ASCC3: variants seen among roughly 807,000 people sequenced by gnomAD.
The protein encoded by ASCC3 is ASC-1 complex subunit P200.
A neutral mutation model predicts 256.3 loss-of-function variants in ASCC3; 158 were observed. The ratio of observed to expected loss-of-function variants is 0.62; its 90% CI spans 0.54 to 0.70. ASCC3 has a LOEUF of 0.70. Ranked by LOEUF, ASCC3 falls within the 30% of genes least tolerant of loss-of-function variation. The pLI is 0.00. For synonymous variants in ASCC3, 948 were observed against 883.4 expected, an observed-to-expected ratio of 1.07 and a Z score of -1.30; for missense variants, 2,259 against 2,626.0, an observed-to-expected ratio of 0.86 and a Z score of 3.05.
intron 8 of ASCC3, among the ~76,000 whole-genome samples, 185 bp from the exon 9 acceptor site, chr6:100,767,530 C>T (rs530815388): frequency 6.6e-6 from 1 of 152,202 alleles, no homozygotes; most frequent in African/African-American, 2.4e-5. Flanking sequence ...TTGTACAATT[C>T]AAGTATACTT....
At chr6:100,547,775 T>C (rs1236186662) in intron 36 of ASCC3, among the ~76,000 whole-genome samples, 1 of 151,950 alleles carries the variant, frequency 6.6e-6, no homozygotes, top group East Asian at 1.9e-4. Flanking sequence ...GTGATCTAGC[T>C]ATTCCATTCC....
At position 100,759,466 on chromosome 6, in the gene ASCC3, GTTTT is replaced by G. The variant is rs1334739026; in HGVS notation, c.1737+7095_1737+7098del. Among the ~76,000 whole-genome samples, 17 of 152,280 alleles carry G rather than the reference GTTTT, an allele frequency of 1.1e-4. No homozygotes were observed. The East Asian group carries it at 2.7e-3, about 24-fold the overall frequency. ...TGAGTTTTCTGCATATGGCTAGCCA[GTTTT>G]CCCAGCACCATTTATTGAATAGGAG... On this transcript the variant is annotated intron_variant, in intron 10 of 41. Transcript: ENST00000369162.
intron 4 of ASCC3, among the ~76,000 whole-genome samples, chr6:100,821,175 C>T (rs1165518760): frequency 6.6e-6 from 1 of 152,130 alleles, no homozygotes; most frequent in Non-Finnish European, 1.5e-5. Context: ...CAAACGAACA[C>T]ACTCAGCTAA....
intron 13 of ASCC3, among the ~76,000 whole-genome samples, chr6:100,706,142 G>A (rs1180898025): frequency 3.3e-5 from 5 of 151,568 alleles, no homozygotes; most frequent in Non-Finnish European, 5.9e-5. Flanking sequence ...AGTCATCAGA[G>A]TTAGAATAAT....
At chr6:100,865,625 T>G (rs10485299) in intron 2 of ASCC3, among the ~76,000 whole-genome samples, 5,719 of 152,252 alleles carry the variant, frequency 0.038, 134 homozygotes, top group African/African-American at 0.057. Flanking sequence ...GTATCAATCT[T>G]TGAGTGAAAC....
At position 100,836,318 on chromosome 6, in the gene ASCC3, C is replaced by T. The variant is rs569018129; in HGVS notation, c.801+11830G>A. ...TAGAAGTGGCAAAAGTGGGCATCCT[C>T]ATCTTATTCCAGATCTTAAAAGTTT... On this transcript the variant is annotated intron_variant, in intron 4 of 41. Transcript: ENST00000369162. Among the ~76,000 whole-genome samples, 6 of 144,392 alleles carry T rather than the reference C, an allele frequency of 4.2e-5. No homozygotes were observed. In the East Asian group the frequency reaches 9.7e-4, roughly 23 times the overall value. The allele number at this position is 144,392 out of a possible 152,430, so 94.7% of individuals were successfully genotyped here.
At chr6:100,568,002 C>T (rs1770360431) in intron 36 of ASCC3, among the ~76,000 whole-genome samples, 1 of 152,138 alleles carries the variant, frequency 6.6e-6, no homozygotes, top group South Asian at 2.1e-4. Context: ...ATTTACATTC[C>T]CACCAACAGT....
intron 36 of ASCC3, among the ~76,000 whole-genome samples, chr6:100,553,414 T>C (rs1287878287): frequency 1.3e-5 from 2 of 152,028 alleles, no homozygotes; most frequent in African/African-American, 2.4e-5. Context: ...TTAGAGGAAA[T>C]TGAAAGTGGG....
At chr6:100,673,918 C>T (rs930352256) in intron 14 of ASCC3, among the ~76,000 whole-genome samples, 2 of 152,138 alleles carry the variant, frequency 1.3e-5, no homozygotes, top group African/African-American at 2.4e-5. Context: ...TTTCCTTTGC[C>T]TGTGTTCTCT....
chr6:100,517,948 G>C (rs769255985), intron 38 of ASCC3, 43 bp downstream of exon 38: 13 of 1,593,670 alleles, frequency 8.2e-6, no homozygotes, highest in African/African-American at 1.3e-5. Context: ...ATATTTTTTT[G>C]AAATCAAAAC....
At chr6:100,564,537 C>T (rs1770129065) in intron 36 of ASCC3, among the ~76,000 whole-genome samples, 1 of 152,048 alleles carries the variant, frequency 6.6e-6, no homozygotes, top group African/African-American at 2.4e-5. Flanking sequence ...TCTTAATAAC[C>T]AGAATTGCAG....
chr6:100,691,792 A>T (rs1221355163), intron 13 of ASCC3, among the ~76,000 whole-genome samples: 1 of 151,992 alleles, frequency 6.6e-6, no homozygotes, highest in Admixed American at 6.6e-5. Flanking sequence ...TATATAACAT[A>T]TAGACTTGTG....
At chr6:100,823,155 C>A (rs1582917418) in intron 4 of ASCC3, among the ~76,000 whole-genome samples, 1 of 152,020 alleles carries the variant, frequency 6.6e-6, no homozygotes, top group East Asian at 1.9e-4. Context: ...TAAAGAAATC[C>A]CAAAATTATG....
chr6:100,675,127 G>GT (rs1275237746), intron 14 of ASCC3, among the ~76,000 whole-genome samples: 2 of 111,152 alleles, frequency 1.8e-5, no homozygotes, highest in Non-Finnish European at 3.8e-5. Flanking sequence ...TAAGCAAACA[G>GT]TTGTTTTTTT....
chr6:100,530,822 G>T (rs1322455671), intron 37 of ASCC3: 40 of 1,223,172 alleles, frequency 3.3e-5, no homozygotes, highest in Admixed American at 6.7e-5. Context: ...TTGCCTACTG[G>T]AACTTAGTGC....
At chr6:100,687,197 T>C (rs1184347726) in intron 13 of ASCC3, among the ~76,000 whole-genome samples, 1 of 152,122 alleles carries the variant, frequency 6.6e-6, no homozygotes, top group African/African-American at 2.4e-5. Context: ...TGTATGTGAA[T>C]GTATATGTTT....
chr6:100,823,073 T>C (rs1771131574), intron 4 of ASCC3, among the ~76,000 whole-genome samples: 1 of 152,154 alleles, frequency 6.6e-6, no homozygotes, highest in South Asian at 2.1e-4. Flanking sequence ...AAAAGAGTGC[T>C]TTGCTCTTAA....
At chr6:100,755,643 C>G (rs1175003381) in intron 10 of ASCC3, among the ~76,000 whole-genome samples, 2 of 152,264 alleles carry the variant, frequency 1.3e-5, no homozygotes, top group African/African-American at 4.8e-5. Flanking sequence ...CTGCTACACA[C>G]ACACACACAA....
At position 100,512,876 on chromosome 6, in the gene ASCC3, T is replaced by C. The variant is rs35456108; in HGVS notation, c.6118A>G (p.Ile2040Val). 1.5e-3 allele frequency: 2,452 copies of C among 1,614,030 alleles called. 25 individuals are homozygous for C. In the African/African-American group the frequency reaches 0.026, roughly 17 times the overall value. ...TCATCCCACGAGCCTTTAACACTTA[T>C]GCCAACATTTATCACTGGCAAGTGA... ...LSHLPVINVG[I>V]SVKGSWDDLV... Residue 2040 changes from isoleucine (I) to valine (V), a missense_variant, in exon 40 of 42, where the codon ATA (isoleucine) becomes GTA (valine). Ile to Val is a conservative substitution (Grantham distance 29, BLOSUM62 3). Around this residue, in one of 2 missense-constraint regions of ASCC3, gnomAD observed 1,839 missense variants for 2,206.7 expected, o/e 0.83. Coordinates refer to ENST00000369162, the MANE Select transcript of ASCC3 (RefSeq NM_006828.4).
Sources: allele counts gnomAD v4.1 joint callset (sites outside exome capture counted in the v4.1 genomes callset), GRCh38; gene constraint gnomAD v4.1.1; regional missense constraint gnomAD v4.1.1; transcripts MANE v1.5; gene names NCBI Gene and HGNC (gene_info 2026-07-23, HGNC 2026-07-21).